GGA2: variants seen among roughly 807,000 people sequenced by gnomAD.
GGA2 encodes ADP-ribosylation factor-binding protein GGA2.
In GGA2, 48 loss-of-function variants were observed where a neutral mutation model predicts 79.5. The observed-to-expected ratio is 0.60, with a 90% CI of 0.48 to 0.77. The LOEUF is 0.77. GGA2 is among the 30% of genes least tolerant of loss of function. The probability of loss-of-function intolerance (pLI) is 0.00; values close to 1 mark genes in which losing one functional copy is unlikely to be tolerated. For missense variants in GGA2, 770 were observed against 774.0 expected (o/e 0.99, Z 0.06); for synonymous variants, 317 against 302.0 (o/e 1.05, Z -0.51).
intron 1 of GGA2, among the ~76,000 whole-genome samples, chr16:23,506,276 T>A (rs1336219026): frequency 6.6e-6 from 1 of 152,076 alleles, no homozygotes; most frequent in African/African-American, 2.4e-5. Flanking sequence ...ACGACCCCCT[T>A]ATCCCTCCAT....
upstream of GGA2, among the ~76,000 whole-genome samples, chr16:23,515,149 A>AAT (rs771552621): frequency 3.7e-3 from 551 of 150,102 alleles, 3 homozygotes; most frequent in East Asian, 0.016. Context: ...TAAAAGAGAT[A>AAT]ATATATATAT....
At chr16:23,506,214 C>T (rs1467918379) in intron 1 of GGA2, among the ~76,000 whole-genome samples, 2 of 152,122 alleles carry the variant, frequency 1.3e-5, no homozygotes, top group Admixed American at 6.5e-5. Flanking sequence ...AGCTCAGACC[C>T]ATGAGCTTTT....
upstream of GGA2, among the ~76,000 whole-genome samples, chr16:23,510,906 C>CGTGTGT (rs150030103): frequency 1.3e-3 from 64 of 49,040 alleles, no homozygotes; most frequent in East Asian, 4.3e-3. Context: ...TGGGTTTCAC[C>CGTGTGT]GTGTGTGTGT....
intron 1 of GGA2, among the ~76,000 whole-genome samples, chr16:23,503,836 T>A (rs2142141932): frequency 6.6e-6 from 1 of 152,206 alleles, no homozygotes; most frequent in South Asian, 2.1e-4. Context: ...AATCCCAGCA[T>A]TTTGGGAGGC....
intron 13 of GGA2, among the ~76,000 whole-genome samples, chr16:23,477,036 C>G (rs926331419): frequency 6.6e-6 from 1 of 152,156 alleles, no homozygotes; most frequent in Non-Finnish European, 1.5e-5. Flanking sequence ...ACTGCAGCCT[C>G]GACTTTCCGG....
chr16:23,495,779 C>A lies in GGA2; in HGVS notation c.92-1G>T, dbSNP rs1192735060. On this transcript the variant is annotated splice_acceptor_variant, in intron 1 of 16. Transcript: ENST00000309859. LOFTEE classifies it high-confidence loss of function. ...GACATGCTTGGGTCTGTGGCTTTGT[C>A]TGTCAAATAAATAATAAAGTTAGAG... 6.2e-7 allele frequency: 1 copy of A among 1,602,290 alleles called. No individual in the cohort carries two copies. The highest frequency in any genetic ancestry group is 2.2e-5 in the East Asian group (1 of 44,806).
At chr16:23,481,498 T>A (rs1334590912) in intron 9 of GGA2, among the ~76,000 whole-genome samples, 1 of 152,214 alleles carries the variant, frequency 6.6e-6, no homozygotes, top group Non-Finnish European at 1.5e-5. Flanking sequence ...AAAGGCTGTG[T>A]GTGGTGGTTC....
chr16:23,507,446 G>A (rs1964985500), intron 1 of GGA2, among the ~76,000 whole-genome samples: 1 of 152,194 alleles, frequency 6.6e-6, no homozygotes, highest in Admixed American at 6.5e-5. Flanking sequence ...TGACAAACAT[G>A]GTGAAACCCT....
At chr16:23,499,871 G>C (rs1054114269) in intron 1 of GGA2, among the ~76,000 whole-genome samples, 1 of 152,204 alleles carries the variant, frequency 6.6e-6, no homozygotes, top group Non-Finnish European at 1.5e-5. Context: ...GGTAGGGGTG[G>C]GGCCGCTGGC....
At chr16:23,496,065 C>T (rs143560643) in intron 1 of GGA2, among the ~76,000 whole-genome samples, 1 of 151,984 alleles carries the variant, frequency 6.6e-6, no homozygotes, top group Non-Finnish European at 1.5e-5. Context: ...TTTGGGAGGC[C>T]GAGGTGGGGG....
In GGA2 at chr16:23,489,289, C is replaced by T. The variant is rs146084043; in HGVS notation, c.476-580G>A. On this transcript the variant is annotated intron_variant, in intron 5 of 16. Transcript: ENST00000309859. ...TTGCTCTGTCTCCCAGGCTAGAATGCAGTGGTGTGATCATGGCTCGCTGCA... is the reference window on the plus strand; with the variant it reads ...TTGCTCTGTCTCCCAGGCTAGAATGTAGTGGTGTGATCATGGCTCGCTGCA... 3.5e-3 allele frequency among the ~76,000 whole-genome samples: 529 copies of T among 152,306 alleles called. 6 individuals are homozygous for T. The highest frequency in any genetic ancestry group is 0.011 in the African/African-American group (473 of 41,572).
chr16:23,495,829 A>T (rs779476704), intron 1 of GGA2, 51 bp from the exon 2 acceptor site: 4 of 1,170,718 alleles, frequency 3.4e-6, no homozygotes, highest in Non-Finnish European at 5.0e-6. Context: ...AGAAATTTAC[A>T]CCCCTCCCCA....
In GGA2 at chr16:23,507,598, A is replaced by T. The variant is rs1435751416; in HGVS notation, c.91+2723T>A. 1.3e-5 allele frequency among the ~76,000 whole-genome samples: 2 copies of T among 151,968 alleles called. 1 individual carries two copies. The highest frequency in any genetic ancestry group is 4.1e-4 in the South Asian group (2 of 4,826). On this transcript the variant is annotated intron_variant, in intron 1 of 16. Coordinates refer to ENST00000309859, the MANE Select transcript of GGA2 (RefSeq NM_015044.4). The stretch of plus-strand genomic sequence containing the variant: ...AGCTGAGATCGTGCCACTGTACTCC[A>T]GCCTGGACAAGAATGAAACTCCATC...
At chr16:23,494,494 G>A (rs917993486) in intron 2 of GGA2, 116 bp from the exon 3 acceptor site, 1 of 768,884 alleles carries the variant, frequency 1.3e-6, no homozygotes, top group Non-Finnish European at 2.3e-6. Context: ...AAAAGCAGAG[G>A]TGGAGCGTGC....
rs1393383751 is a variant in GGA2 at position 23,482,943 on chromosome 16, G to A, written c.860C>T (p.Thr287Ile). Residue 287 changes from threonine (T) to isoleucine (I), a missense_variant, in exon 9 of 17, where the codon ACT becomes ATT. Physicochemically the swap from Thr to Ile is moderately conservative, Grantham distance 89. Transcript: ENST00000309859. ...PTLFRLASDT[T>I]DDDDALAEIL... ...CTTACCGAGTGCATCATCGTCATCAGTGGTGTCACTCGCCAACCGGAACAG... is the reference window on the plus strand; with the variant it reads ...CTTACCGAGTGCATCATCGTCATCAATGGTGTCACTCGCCAACCGGAACAG... 2 of 1,608,934 alleles carry A rather than the reference G, an allele frequency of 1.2e-6. No homozygotes were observed. The highest frequency in any genetic ancestry group is 3.3e-5 in the Admixed American group (2 of 59,992).
At chr16:23,520,816 T>C (rs1465396567) in intron 1 of GGA2, among the ~76,000 whole-genome samples, 2 of 152,098 alleles carry the variant, frequency 1.3e-5, no homozygotes, top group Non-Finnish European at 2.9e-5. Context: ...TGAGACAGAG[T>C]GTCGCTCTGT....
chr16:23,504,112 TCAGATACCATGC>T (rs1405862455), intron 1 of GGA2, among the ~76,000 whole-genome samples: 1 of 148,992 alleles, frequency 6.7e-6, no homozygotes, highest in African/African-American at 2.5e-5. Context: ...CTACTATGGG[TCAGATACCATGC>T]CAGATGTCCT....
intron 1 of GGA2, among the ~76,000 whole-genome samples, chr16:23,504,499 G>A (rs1299642353): frequency 2.0e-5 from 3 of 152,194 alleles, no homozygotes; most frequent in South Asian, 2.1e-4. Context: ...CTGATAACAC[G>A]GAGAGATGGC....
intron 9 of GGA2, among the ~76,000 whole-genome samples, chr16:23,481,529 T>A (rs1017921869): frequency 1.3e-5 from 2 of 152,130 alleles, no homozygotes; most frequent in African/African-American, 2.4e-5. Flanking sequence ...TCCCAGCACT[T>A]TGGGAAGCCA....
Sources: gnomAD v4.1 joint callset for allele counts (sites outside exome capture counted in the v4.1 genomes callset) on GRCh38, gnomAD v4.1.1 for gene constraint, MANE v1.5 for transcripts, NCBI Gene and HGNC (gene_info 2026-07-23, HGNC 2026-07-21) for gene names.